The following NEIL3 variants were observed in gnomAD, a reference collection of about 807,000 sequenced individuals.
NEIL3 encodes the protein endonuclease 8-like 3.
In NEIL3, 48 loss-of-function variants were observed where a neutral mutation model predicts 57.5. That is an observed-to-expected ratio of 0.83 (90% CI 0.66 to 1.06). NEIL3 has a LOEUF of 1.06. Ranked by LOEUF, NEIL3 falls within the 50% of genes least tolerant of loss-of-function variation. The pLI is 0.00. For synonymous variants in NEIL3, 261 were observed against 253.2 expected (o/e 1.03, Z -0.29); for missense variants, 717 against 739.1 (o/e 0.97, Z 0.35).
At chr4:177,352,981 C>T (rs537224498) in intron 7 of NEIL3, among the ~76,000 whole-genome samples, 2 of 152,298 alleles carry the variant, frequency 1.3e-5, no homozygotes, top group Admixed American at 6.5e-5. Flanking sequence ...TCAACTACCA[C>T]TTTTTAATGC....
At chr4:177,363,750 T>C (rs957778064), downstream of NEIL3, among the ~76,000 whole-genome samples, 18 of 152,238 alleles carry the variant, frequency 1.2e-4, no homozygotes, top group African/African-American at 4.3e-4. Context: ...AGGATCTATA[T>C]GAGGAAACTT....
At chr4:177,337,227 A>G (rs2110908170) in intron 4 of NEIL3, among the ~76,000 whole-genome samples, 1 of 152,342 alleles carries the variant, frequency 6.6e-6, no homozygotes, top group South Asian at 2.1e-4. Context: ...TTTAGTTTCT[A>G]GGGAAGACCT....
rs113539795 is a variant in NEIL3, at chr4:177,324,910, A to G, written c.278+2330A>G. On this transcript the variant is annotated intron_variant, in intron 2 of 9. Transcript: ENST00000264596. ...CACTGAAGCTATCATTTTAATCAAA[A>G]TGGACATAGCTGTTGCATTTTGGAC... is the stretch of plus-strand genomic sequence containing the variant. Among the ~76,000 whole-genome samples, 1,335 of 152,182 alleles carry G rather than the reference A, an allele frequency of 8.8e-3. 19 individuals carry two copies. The highest frequency in any genetic ancestry group is 0.031 in the African/African-American group (1,267 of 41,514).
chr4:177,352,848 T>C (rs970554601), intron 7 of NEIL3, among the ~76,000 whole-genome samples: 7 of 151,672 alleles, frequency 4.6e-5, no homozygotes, highest in Middle Eastern at 3.4e-3. Context: ...AAAAAGAAGA[T>C]GTTAAGTCTT....
chr4:177,337,317 T>A (rs1734997540), intron 4 of NEIL3, among the ~76,000 whole-genome samples: 1 of 152,192 alleles, frequency 6.6e-6, no homozygotes, highest in African/African-American at 2.4e-5. Context: ...ATTTTTTACA[T>A]AATTGACTCT....
intron 9 of NEIL3, among the ~76,000 whole-genome samples, chr4:177,361,035 C>T (rs894714727): frequency 6.6e-6 from 1 of 152,160 alleles, no homozygotes; most frequent in South Asian, 2.1e-4. Context: ...AACTTCAGCG[C>T]TACATCAAAA....
intron 4 of NEIL3, among the ~76,000 whole-genome samples, chr4:177,338,110 G>GT (rs1173208755): frequency 6.6e-6 from 1 of 152,114 alleles, no homozygotes; most frequent in African/African-American, 2.4e-5. Context: ...AAAAAGTACA[G>GT]TTTAACTTTT....
At chr4:177,322,685 G>A in intron 2 of NEIL3, 105 bp downstream of exon 2, 1 of 1,338,244 alleles carries the variant, frequency 7.5e-7, no homozygotes, top group South Asian at 1.3e-5. Flanking sequence ...AGGAAGTACT[G>A]TGTTTTTAAG....
rs540458803 is a variant in NEIL3, at chr4:177,314,462, C to T, written c.156+4353C>T. Among the ~76,000 whole-genome samples the T allele has an allele frequency of 2.0e-5, 3 of 152,302 alleles. No homozygotes were observed. The East Asian group carries it at 5.8e-4, about 29-fold the overall frequency. ...ATTTGGTCAGGATTAAATTAAGCAG[C>T]ATGTAAAATTCTTAGCTTAGTACCT... On this transcript the variant is annotated intron_variant, in intron 1 of 9. Coordinates refer to ENST00000264596, the MANE Select transcript of NEIL3 (RefSeq NM_018248.3).
chr4:177,314,476 AGCTTAGTACCTAGCAAAATAAACATCCTG>A (rs1439430766), intron 1 of NEIL3, among the ~76,000 whole-genome samples: 7 of 152,326 alleles, frequency 4.6e-5, no homozygotes, highest in African/African-American at 1.7e-4. Context: ...TAAAATTCTT[AGCTTAGTACCTAGCAAAATAAACATCCTG>A]GGAATTGTTC....
At chr4:177,352,737 G>A (rs894402239) in intron 7 of NEIL3, among the ~76,000 whole-genome samples, 6 of 152,038 alleles carry the variant, frequency 3.9e-5, no homozygotes, top group African/African-American at 1.4e-4. Context: ...GTTTGAGGCA[G>A]GAGAATGGCG....
rs149264844 is a variant in NEIL3 at position 177,333,694 on chromosome 4, G to C, written c.279-1994G>C. 3.3e-3 allele frequency among the ~76,000 whole-genome samples: 506 copies of C among 152,242 alleles called. 3 individuals are homozygous for C. The highest frequency in any genetic ancestry group is 0.012 in the African/African-American group (490 of 41,544). ...GGAGACCTTCCTTTGCTTTGCTGGT[G>C]CTCACATCGGGAATCATTCCCATAG... On this transcript the variant is annotated intron_variant, in intron 2 of 9. Coordinates refer to ENST00000264596, the MANE Select transcript of NEIL3 (RefSeq NM_018248.3).
downstream of NEIL3, among the ~76,000 whole-genome samples, chr4:177,364,438 T>G (rs1156668532): frequency 6.6e-6 from 1 of 152,096 alleles, no homozygotes; most frequent in African/African-American, 2.4e-5. Context: ...AACCAAAACT[T>G]CAGTAGAAAA....
At chr4:177,339,651 C>A (rs2110910966) in intron 4 of NEIL3, 132 bp from the exon 5 acceptor site, 1 of 642,024 alleles carries the variant, frequency 1.6e-6, no homozygotes, top group East Asian at 2.8e-5. Flanking sequence ...CAGTTCAAAC[C>A]CATGTTGTTC....
chr4:177,363,807 G>C (rs1414550633), downstream of NEIL3, among the ~76,000 whole-genome samples: 1 of 152,092 alleles, frequency 6.6e-6, no homozygotes, highest in African/African-American at 2.4e-5. Context: ...CTGCAGTGCA[G>C]TAGCATGATC....
chr4:177,346,385 T>G (rs1415324081), intron 6 of NEIL3, among the ~76,000 whole-genome samples: 1 of 152,070 alleles, frequency 6.6e-6, no homozygotes, highest in African/African-American at 2.4e-5. Context: ...CCCAGGCTGG[T>G]TTTGAACTCC....
intron 8 of NEIL3, among the ~76,000 whole-genome samples, chr4:177,357,815 G>C (rs750526302): frequency 1.2e-4 from 18 of 152,134 alleles, no homozygotes; most frequent in Non-Finnish European, 2.2e-4. Flanking sequence ...TATCTGAAAA[G>C]GTTTGCCAGC....
chr4:177,347,321 G>T lies in NEIL3; in HGVS notation c.870-4059G>T, dbSNP rs546319305. ...CCAAGCAGAGGGAATGAGAGACAGA[G>T]GCAGCCCCTCTGCTTGGGAGGGACC... On this transcript the variant is annotated intron_variant, in intron 6 of 9. Coordinates refer to ENST00000264596, the MANE Select transcript of NEIL3 (RefSeq NM_018248.3). Among the ~76,000 whole-genome samples, 97 of 152,284 alleles carry T rather than the reference G, an allele frequency of 6.4e-4. 1 individual carries two copies. In the South Asian group the frequency reaches 0.011, roughly 17 times the overall value.
At chr4:177,359,863 G>T (rs909841729) in intron 8 of NEIL3, among the ~76,000 whole-genome samples, 1 of 152,202 alleles carries the variant, frequency 6.6e-6, no homozygotes, top group African/African-American at 2.4e-5. Context: ...AAATACTCTT[G>T]ATCCTAATTA....
Sources: allele counts gnomAD v4.1 joint callset (sites outside exome capture counted in the v4.1 genomes callset), GRCh38; gene constraint gnomAD v4.1.1; transcripts MANE v1.5; gene names NCBI Gene and HGNC (gene_info 2026-07-23, HGNC 2026-07-21).